Variants in HMBOX1 observed in about 807,000 individuals in gnomAD.
HMBOX1 encodes homeobox containing 1.
Under a neutral mutation model 54.5 loss-of-function variants are expected in HMBOX1, and 14 were observed. The observed-to-expected ratio is 0.26, with a 90% CI of 0.17 to 0.40. The LOEUF is 0.40. Ranked by LOEUF, HMBOX1 falls within the 10% of genes least tolerant of loss-of-function variation. HMBOX1 has a pLI of 1.00. For synonymous variants in HMBOX1, 160 were observed against 181.0 expected (o/e 0.88, Z 0.93); for missense variants, 332 against 514.4 (o/e 0.65, Z 3.43).
chr8:28,956,438 A>C (rs548194875), intron 1 of HMBOX1, among the ~76,000 whole-genome samples: 1 of 152,098 alleles, frequency 6.6e-6, no homozygotes, highest in Non-Finnish European at 1.5e-5. Flanking sequence ...TAGATGTATT[A>C]CTATGATTTA....
chr8:28,911,716 A>G (rs1217752213), intron 1 of HMBOX1, among the ~76,000 whole-genome samples: 2 of 151,994 alleles, frequency 1.3e-5, no homozygotes, highest in Admixed American at 1.3e-4. Flanking sequence ...GGTCATCTCT[A>G]TTTAAGAGGG....
chr8:28,933,976 C>T (rs941760162), intron 1 of HMBOX1, among the ~76,000 whole-genome samples: 3 of 152,130 alleles, frequency 2.0e-5, no homozygotes, highest in Admixed American at 1.3e-4. Context: ...ACTCATGAGG[C>T]CAGCATTACT....
intron 6 of HMBOX1, among the ~76,000 whole-genome samples, chr8:29,043,517 A>G (rs1336533499): frequency 2.6e-5 from 4 of 152,246 alleles, no homozygotes; most frequent in African/African-American, 2.4e-5. Flanking sequence ...GTCAGAAACT[A>G]TATCATCTTT....
At chr8:29,045,230 T>C (rs1425252467) in intron 6 of HMBOX1, 131 bp from the exon 7 acceptor site, 9 of 718,138 alleles carry the variant, frequency 1.3e-5, no homozygotes, top group African/African-American at 1.8e-5. Context: ...CACAGAACAT[T>C]CCATTTGACA....
At chr8:28,926,584 C>G (rs1235127769) in intron 1 of HMBOX1, among the ~76,000 whole-genome samples, 1 of 151,972 alleles carries the variant, frequency 6.6e-6, no homozygotes, top group East Asian at 1.9e-4. Context: ...TGGGGTCTTA[C>G]TCTGTCCCCC....
intron 4 of HMBOX1, among the ~76,000 whole-genome samples, chr8:28,981,938 G>C (rs938448520): frequency 1.3e-5 from 2 of 152,048 alleles, no homozygotes; most frequent in East Asian, 1.9e-4. Flanking sequence ...TGCTAGAATC[G>C]TAAAAATACT....
At chr8:28,989,661 T>A (rs1270872473) in intron 4 of HMBOX1, among the ~76,000 whole-genome samples, 1 of 152,260 alleles carries the variant, frequency 6.6e-6, no homozygotes, top group Admixed American at 6.5e-5. Flanking sequence ...TTTTTCCTTT[T>A]CAAGATCACT....
intron 6 of HMBOX1, among the ~76,000 whole-genome samples, chr8:29,041,826 G>A (rs924097073): frequency 6.6e-6 from 1 of 151,978 alleles, no homozygotes; most frequent in African/African-American, 2.4e-5. Context: ...TTTGCGGGGG[G>A]ACTTTGAACA....
chr8:28,978,263 C>A (rs144047445), intron 3 of HMBOX1, among the ~76,000 whole-genome samples: 36 of 152,246 alleles, frequency 2.4e-4, no homozygotes, highest in African/African-American at 8.7e-4. Flanking sequence ...ATCCCTCATC[C>A]AAGTTAAATC....
chr8:28,919,488 A>G (rs1274200913), intron 1 of HMBOX1, among the ~76,000 whole-genome samples: 1 of 152,184 alleles, frequency 6.6e-6, no homozygotes, highest in African/African-American at 2.4e-5. Context: ...TTTGGTCTAT[A>G]CTTAATCTCA....
chr8:28,907,410 C>G (rs1204780672), intron 1 of HMBOX1, among the ~76,000 whole-genome samples: 1 of 152,194 alleles, frequency 6.6e-6, no homozygotes, highest in African/African-American at 2.4e-5. Flanking sequence ...CATTTTAGTT[C>G]ATTGTGCTCA....
chr8:29,049,582 A>G (rs1449526311), intron 9 of HMBOX1: 4 of 716,254 alleles, frequency 5.6e-6, no homozygotes, highest in Non-Finnish European at 8.6e-6. Flanking sequence ...TGACACATGC[A>G]TCCTCTCATA....
At chr8:28,890,157 C>T (rs752587006), upstream of HMBOX1, 5 of 501,154 alleles carry the variant, frequency 1.0e-5, no homozygotes, top group Non-Finnish European at 1.8e-5. Flanking sequence ...CCCTCTCCAC[C>T]CCAGCATGAT....
chr8:28,905,786 C>A (rs868303786), intron 1 of HMBOX1, among the ~76,000 whole-genome samples: 7 of 152,218 alleles, frequency 4.6e-5, no homozygotes, highest in South Asian at 2.1e-4. Flanking sequence ...GGATTACTTT[C>A]ATATGGGCCT....
At chr8:28,919,369 C>A (rs576999780) in intron 1 of HMBOX1, among the ~76,000 whole-genome samples, 2 of 152,100 alleles carry the variant, frequency 1.3e-5, no homozygotes, top group Non-Finnish European at 2.9e-5. Flanking sequence ...ATTCTCTGGC[C>A]TTTTTATTGG....
At position 28,890,581 on chromosome 8, in the gene HMBOX1, C is replaced by G. The variant is rs374804523; in HGVS notation, c.-155C>G. Reference sequence around the variant, plus strand: ...GGCGCCCCACGCGGAAGACACCCCTCCCCCTCCCGCCTTCCCTCCTCCCTA... The same window carrying G: ...GGCGCCCCACGCGGAAGACACCCCTGCCCCTCCCGCCTTCCCTCCTCCCTA... On this transcript the variant is annotated 5_prime_UTR_variant, in exon 1 of 10. Coordinates refer to ENST00000287701, the MANE Select transcript of HMBOX1 (RefSeq NM_001135726.3). 4 of 152,822 alleles carry G rather than the reference C, an allele frequency of 2.6e-5. No individual in the cohort carries two copies. The highest frequency in any genetic ancestry group is 2.0e-4 in the Admixed American group (3 of 15,306). The allele number at this position is 152,822 out of a possible 1,614,324, so 9.5% of individuals were successfully genotyped here.
chr8:29,047,810 G>T (rs1273252187), intron 8 of HMBOX1, among the ~76,000 whole-genome samples: 1 of 152,062 alleles, frequency 6.6e-6, no homozygotes, highest in Non-Finnish European at 1.5e-5. Flanking sequence ...CAGGTGATCC[G>T]TCCGCCTCGG....
intron 6 of HMBOX1, among the ~76,000 whole-genome samples, chr8:29,029,571 A>G (rs1802591865): frequency 1.3e-5 from 2 of 152,232 alleles, no homozygotes; most frequent in Admixed American, 1.3e-4. Flanking sequence ...ATTACTGCAA[A>G]GAATAAGGAA....
chr8:28,925,068 C>G (rs1163831226), intron 1 of HMBOX1, among the ~76,000 whole-genome samples: 4 of 151,650 alleles, frequency 2.6e-5, no homozygotes, highest in Non-Finnish European at 5.9e-5. Context: ...ATTGGATTCA[C>G]CATCTGTTTT....
Sources: gnomAD v4.1 joint callset for allele counts (sites outside exome capture counted in the v4.1 genomes callset) on GRCh38, gnomAD v4.1.1 for gene constraint, MANE v1.5 for transcripts, NCBI Gene and HGNC (gene_info 2026-07-23, HGNC 2026-07-21) for gene names.